The following DAB2IP variants were observed in gnomAD, a reference collection of about 807,000 sequenced individuals.
DAB2IP encodes disabled homolog 2-interacting protein.
Under a neutral mutation model 107.2 loss-of-function variants are expected in DAB2IP, and 28 were observed. The ratio of observed to expected loss-of-function variants is 0.26; its 90% CI spans 0.19 to 0.36. DAB2IP has a LOEUF of 0.36. DAB2IP is among the 10% of genes least tolerant of loss of function. DAB2IP has a pLI of 1.00. For synonymous variants in DAB2IP, 755 were observed against 706.4 expected (o/e 1.07, Z -1.09); for missense variants, 1,400 against 1,644.7 (o/e 0.85, Z 2.57).
At chr9:121,661,701 G>C (rs1343022586) in intron 1 of DAB2IP, among the ~76,000 whole-genome samples, 7 of 152,096 alleles carry the variant, frequency 4.6e-5, no homozygotes, top group African/African-American at 1.7e-4. Flanking sequence ...TAATGTTTAC[G>C]GCCAGGCACC....
At chr9:121,571,958 T>C (rs1002199147) in intron 1 of DAB2IP, among the ~76,000 whole-genome samples, 1 of 147,532 alleles carries the variant, frequency 6.8e-6, no homozygotes, top group Non-Finnish European at 1.5e-5. Context: ...TTGGCCTTAG[T>C]TTCCCTAGGT....
chr9:121,580,873 C>T (rs979686768), intron 1 of DAB2IP, among the ~76,000 whole-genome samples: 6 of 152,234 alleles, frequency 3.9e-5, no homozygotes, highest in Non-Finnish European at 8.8e-5. Flanking sequence ...GATCCACCCA[C>T]CTTGGCCTCC....
At chr9:121,745,758 C>T (rs1182999915) in intron 3 of DAB2IP, among the ~76,000 whole-genome samples, 1 of 152,156 alleles carries the variant, frequency 6.6e-6, no homozygotes, top group Non-Finnish European at 1.5e-5. Context: ...CATCCGAGGT[C>T]CACACTCCTT....
chr9:121,700,070 G>C (rs1421241738), intron 3 of DAB2IP, among the ~76,000 whole-genome samples: 1 of 152,190 alleles, frequency 6.6e-6, no homozygotes, highest in Non-Finnish European at 1.5e-5. Flanking sequence ...CTGAGGCTGG[G>C]GAGCCAGGGC....
chr9:121,776,175 C>T lies in DAB2IP; in HGVS notation c.3121-23C>T, dbSNP rs367908188. The T allele has an allele frequency of 2.3e-5, 36 of 1,558,832 alleles. No homozygotes were observed. The highest frequency in any genetic ancestry group is 3.3e-4 in the Middle Eastern group (2 of 5,994). On this transcript the variant is annotated intron_variant, in intron 13 of 15. Coordinates refer to ENST00000408936, the Ensembl canonical transcript of DAB2IP. The surrounding 1 kb of genome is among the most constrained non-coding windows in gnomAD (Gnocchi z 5.4). Reference sequence around the variant, plus strand: ...CTCTCTGTGTCCTGGGTGCTGTGCCCGTGGACGCTGCCCTCCTGGTAGGAC... The same window carrying T: ...CTCTCTGTGTCCTGGGTGCTGTGCCTGTGGACGCTGCCCTCCTGGTAGGAC...
At chr9:121,732,120 A>T (rs62572801) in intron 3 of DAB2IP, among the ~76,000 whole-genome samples, 26,320 of 152,044 alleles carry the variant, frequency 0.17, 2,505 homozygotes, top group Non-Finnish European at 0.21. Flanking sequence ...ACAGGCTCAT[A>T]AACTGTAACC....
chr9:121,577,649 C>T (rs1484707210), intron 1 of DAB2IP, among the ~76,000 whole-genome samples: 1 of 151,804 alleles, frequency 6.6e-6, no homozygotes, highest in African/African-American at 2.4e-5. Flanking sequence ...CTGTCCCACC[C>T]GCAGCCCTGC....
chr9:121,585,220 G>A (rs1830286204), intron 1 of DAB2IP, among the ~76,000 whole-genome samples: 2 of 152,134 alleles, frequency 1.3e-5, no homozygotes, highest in Admixed American at 1.3e-4. Context: ...TCCCAGAATG[G>A]CGAGGGGTCA....
intron 1 of DAB2IP, among the ~76,000 whole-genome samples, chr9:121,594,127 C>G (rs1830476717): frequency 6.6e-6 from 1 of 152,080 alleles, no homozygotes; most frequent in African/African-American, 2.4e-5. Flanking sequence ...TTGTGATAAT[C>G]TCTAGTCAAT....
intron 2 of DAB2IP, among the ~76,000 whole-genome samples, chr9:121,680,782 G>A (rs1274856316): frequency 7.0e-6 from 1 of 143,202 alleles, no homozygotes; most frequent in South Asian, 2.2e-4. Flanking sequence ...TTGCTTTGTC[G>A]CCCAGGCTGG....
chr9:121,603,640 A>G (rs1830766753), intron 1 of DAB2IP, among the ~76,000 whole-genome samples: 1 of 152,102 alleles, frequency 6.6e-6, no homozygotes, highest in African/African-American at 2.4e-5. Context: ...CTTTGGTGCC[A>G]GAGCCCTCAC....
At chr9:121,704,986 A>G (rs927751332) in intron 3 of DAB2IP, among the ~76,000 whole-genome samples, 11 of 152,236 alleles carry the variant, frequency 7.2e-5, no homozygotes, top group Non-Finnish European at 1.2e-4. Flanking sequence ...GCCCAGGAGC[A>G]CATGATTCTG....
At chr9:121,681,023 A>T (rs1828571067) in intron 2 of DAB2IP, among the ~76,000 whole-genome samples, 1 of 152,084 alleles carries the variant, frequency 6.6e-6, no homozygotes, top group Non-Finnish European at 1.5e-5. Flanking sequence ...GATTACAGGC[A>T]TGAGCCACCA....
intron 6 of DAB2IP, 70 bp from the exon 7 acceptor site, chr9:121,763,435 G>A: frequency 1.3e-6 from 2 of 1,539,328 alleles, no homozygotes; most frequent in Admixed American, 2.0e-5. Context: ...CTCTGGCTAG[G>A]TCTGGAATCC....
chr9:121,602,776 T>C (rs182842541), intron 1 of DAB2IP, among the ~76,000 whole-genome samples: 37 of 152,182 alleles, frequency 2.4e-4, no homozygotes, highest in Admixed American at 2.4e-3. Flanking sequence ...AGGGTTTCAC[T>C]GTGTTAGCCA....
At chr9:121,621,755 T>G (rs1350756259) in intron 1 of DAB2IP, among the ~76,000 whole-genome samples, 2 of 147,800 alleles carry the variant, frequency 1.4e-5, no homozygotes, top group Non-Finnish European at 3.0e-5. Context: ...CAAGCAATTC[T>G]CCTGCCTCCG....
chr9:121,692,336 C>T (rs560875552), intron 2 of DAB2IP, among the ~76,000 whole-genome samples: 1 of 152,198 alleles, frequency 6.6e-6, no homozygotes, highest in East Asian at 1.9e-4. Flanking sequence ...TGTGTGGTGG[C>T]ACTGGGGTAC....
At chr9:121,764,778 C>G (rs1229471757) in intron 8 of DAB2IP, among the ~76,000 whole-genome samples, 5 of 152,350 alleles carry the variant, frequency 3.3e-5, no homozygotes, top group African/African-American at 1.2e-4. Context: ...TTTCACTCAC[C>G]TGCACCTTCC....
chr9:121,757,083 G>C, exon 4 of DAB2IP: 2 of 1,614,212 alleles, frequency 1.2e-6, no homozygotes, highest in Non-Finnish European at 1.7e-6. Context: ...CAGTGCGGTG[G>C]AGGCGCTGGA....
Sources: allele counts gnomAD v4.1 joint callset (sites outside exome capture counted in the v4.1 genomes callset), GRCh38; gene constraint gnomAD v4.1.1; non-coding constraint Gnocchi (gnomAD v3.1); transcripts MANE v1.5; gene names NCBI Gene and HGNC (gene_info 2026-07-23, HGNC 2026-07-21).